Variants in SLCO5A1 observed in about 807,000 individuals in gnomAD.
SLCO5A1 encodes organic anion transporter polypeptide-related protein 4.
SLCO5A1 carries 39 observed loss-of-function variants against 65.1 expected under a neutral mutation model. The observed-to-expected ratio is 0.60, with a 90% CI of 0.46 to 0.78. SLCO5A1 has a LOEUF of 0.78. SLCO5A1 is among the 30% of genes least tolerant of loss of function. SLCO5A1 has a pLI of 0.00. For synonymous variants in SLCO5A1, 438 were observed against 415.7 expected, an observed-to-expected ratio of 1.05 and a Z score of -0.65; for missense variants, 1,029 against 1,069.4, an observed-to-expected ratio of 0.96 and a Z score of 0.53.
intron 2 of SLCO5A1, among the ~76,000 whole-genome samples, chr8:69,819,959 T>C (rs1027385618): frequency 6.6e-6 from 1 of 152,108 alleles, no homozygotes; most frequent in Non-Finnish European, 1.5e-5. Flanking sequence ...CAAGACTCCA[T>C]CTCAAAAACA....
At chr8:69,817,323 C>T (rs898184441) in intron 2 of SLCO5A1, among the ~76,000 whole-genome samples, 6 of 152,150 alleles carry the variant, frequency 3.9e-5, no homozygotes, top group African/African-American at 1.4e-4. Context: ...TCAGACTTTC[C>T]TTCCTTTTTA....
At chr8:69,753,494 A>G (rs188180000) in intron 4 of SLCO5A1, among the ~76,000 whole-genome samples, 2 of 152,318 alleles carry the variant, frequency 1.3e-5, no homozygotes, top group East Asian at 3.9e-4. Flanking sequence ...GGGCATTGAT[A>G]GCATTGTCTA....
At chr8:69,817,577 C>T (rs778784373) in intron 2 of SLCO5A1, among the ~76,000 whole-genome samples, 4 of 151,970 alleles carry the variant, frequency 2.6e-5, no homozygotes, top group Non-Finnish European at 4.4e-5. Flanking sequence ...TTTCTCTTGC[C>T]CAAATCCTTT....
At chr8:69,817,151 C>T (rs1302584695) in intron 2 of SLCO5A1, among the ~76,000 whole-genome samples, 1 of 152,088 alleles carries the variant, frequency 6.6e-6, no homozygotes, top group African/African-American at 2.4e-5. Flanking sequence ...AGAACAACCC[C>T]CTCCCAATTT....
intron 3 of SLCO5A1, among the ~76,000 whole-genome samples, chr8:69,760,804 C>A (rs1817737068): frequency 6.6e-6 from 1 of 152,094 alleles, no homozygotes; most frequent in Admixed American, 6.6e-5. Context: ...ACATAACATC[C>A]AAAGTTGAAG....
At chr8:69,684,880 T>C (rs1197952748) in intron 6 of SLCO5A1, among the ~76,000 whole-genome samples, 1 of 152,136 alleles carries the variant, frequency 6.6e-6, no homozygotes, top group African/African-American at 2.4e-5. Context: ...CACCTCCCAT[T>C]ATAAGGAATT....
intron 4 of SLCO5A1, among the ~76,000 whole-genome samples, chr8:69,744,836 A>C (rs1441158994): frequency 6.6e-6 from 1 of 152,248 alleles, no homozygotes; most frequent in Non-Finnish European, 1.5e-5. Context: ...ATAAGTCATA[A>C]GATGAAAGGT....
At chr8:69,755,285 A>C in intron 4 of SLCO5A1, 139 bp downstream of exon 4, 1 of 526,240 alleles carries the variant, frequency 1.9e-6, no homozygotes, top group Non-Finnish European at 3.1e-6. Flanking sequence ...CAAGTTTCTA[A>C]GAGTTTTGCA....
rs183002150 is a variant in SLCO5A1, at chr8:69,765,198, A to G, written c.908-3323T>C. On this transcript the variant is annotated intron_variant, in intron 2 of 9. Coordinates refer to ENST00000260126, the MANE Select transcript of SLCO5A1 (RefSeq NM_030958.3). The stretch of plus-strand genomic sequence containing the variant: ...TGTATGTATATGTGTGCCTGTGTGT[A>G]TACAGATACATATATATATACACAC... Among the ~76,000 whole-genome samples the G allele has an allele frequency of 4.6e-5, 7 of 152,122 alleles. No homozygotes were observed. The East Asian group carries it at 1.4e-3, about 29-fold the overall frequency.
At chr8:69,679,908 A>G (rs1011127122) in intron 7 of SLCO5A1, among the ~76,000 whole-genome samples, 1 of 152,144 alleles carries the variant, frequency 6.6e-6, no homozygotes, top group Non-Finnish European at 1.5e-5. Context: ...TCATCATTAT[A>G]TTCTGCCTCC....
intron 4 of SLCO5A1, among the ~76,000 whole-genome samples, chr8:69,751,622 A>G (rs530163262): frequency 2.0e-5 from 3 of 150,358 alleles, no homozygotes; most frequent in African/African-American, 2.5e-5. Context: ...ATCTTGGCTC[A>G]CTGCAACCTC....
At chr8:69,714,351 G>C (rs945305779) in intron 5 of SLCO5A1, among the ~76,000 whole-genome samples, 16 of 152,334 alleles carry the variant, frequency 1.1e-4, no homozygotes, top group Admixed American at 9.1e-4. Flanking sequence ...ATTAGGAAAG[G>C]CAGCCTGCAT....
chr8:69,800,583 T>C (rs4610758), intron 2 of SLCO5A1, among the ~76,000 whole-genome samples: 93,194 of 151,750 alleles, frequency 0.61, 28,766 homozygotes, highest in East Asian at 0.7. Context: ...CAGATAGCTG[T>C]TCTCCCTTTG....
chr8:69,776,193 C>A (rs1232769579), intron 2 of SLCO5A1, among the ~76,000 whole-genome samples: 2 of 152,042 alleles, frequency 1.3e-5, no homozygotes, highest in Non-Finnish European at 2.9e-5. Flanking sequence ...ATATATATAT[C>A]ATGGTAACAT....
At chr8:69,697,076 T>A (rs1319947891) in intron 6 of SLCO5A1, among the ~76,000 whole-genome samples, 9 of 151,256 alleles carry the variant, frequency 6.0e-5, no homozygotes, top group Admixed American at 4.6e-4. Context: ...AAAATGAGTT[T>A]AAAAAAAAAG....
At chr8:69,784,951 A>AAAGC (rs1472456387) in intron 2 of SLCO5A1, among the ~76,000 whole-genome samples, 17 of 147,264 alleles carry the variant, frequency 1.2e-4, no homozygotes, top group African/African-American at 4.1e-4. Context: ...AGAAAGAAAG[A>AAAGC]AGAAAGGAAG....
intron 7 of SLCO5A1, among the ~76,000 whole-genome samples, chr8:69,680,093 G>A (rs767364205): frequency 1.3e-5 from 2 of 152,200 alleles, no homozygotes; most frequent in African/African-American, 4.8e-5. Context: ...TGACTTTAGC[G>A]CCAATAATAG....
chr8:69,834,642 C>A (rs947980807), intron 1 of SLCO5A1, among the ~76,000 whole-genome samples: 1 of 152,180 alleles, frequency 6.6e-6, no homozygotes, highest in Non-Finnish European at 1.5e-5. Context: ...ATCGCAGACT[C>A]GGATGGACAC....
At chr8:69,705,591 A>G (rs1253111515) in intron 5 of SLCO5A1, among the ~76,000 whole-genome samples, 1 of 152,252 alleles carries the variant, frequency 6.6e-6, no homozygotes, top group Non-Finnish European at 1.5e-5. Flanking sequence ...GATGCACTTA[A>G]CACATAGAAA....
Sources: gnomAD v4.1 joint callset for allele counts (sites outside exome capture counted in the v4.1 genomes callset) on GRCh38, gnomAD v4.1.1 for gene constraint, MANE v1.5 for transcripts, NCBI Gene and HGNC (gene_info 2026-07-23, HGNC 2026-07-21) for gene names.